Variants in NHS observed in about 807,000 individuals in gnomAD.
The protein encoded by NHS is actin remodeling regulator NHS.
A neutral mutation model predicts 72.5 loss-of-function variants in NHS; 5 were observed. The observed-to-expected ratio is 0.07, with a 90% CI of 0.04 to 0.14. The LOEUF is 0.14. NHS is among the 10% of genes least tolerant of loss of function. NHS has a pLI of 1.00. For missense variants in NHS, 1,072 were observed against 1,355.7 expected (o/e 0.79, Z 3.29); for synonymous variants, 464 against 547.7 (o/e 0.85, Z 2.13).
At chrX:17,692,549 C>A in intron 3 of NHS, 81 bp downstream of exon 3, 1 of 1,145,622 alleles carries the variant, frequency 8.7e-7, no homozygotes. Flanking sequence ...TCCTGCCTCC[C>A]AGTGAGAGAG....
intron 1 of NHS, among the ~76,000 whole-genome samples, chrX:17,506,792 G>C (rs978655636): frequency 9.0e-6 from 1 of 111,217 alleles, no homozygotes; most frequent in African/African-American, 3.3e-5. Context: ...AGGCTGGAAA[G>C]CTAGAAATGA....
intron 1 of NHS, among the ~76,000 whole-genome samples, chrX:17,413,183 A>C (rs764893084): frequency 5.3e-5 from 6 of 112,447 alleles, no homozygotes; most frequent in Non-Finnish European, 1.1e-4. Flanking sequence ...TTTTGAGATC[A>C]GTCTGGAAAA....
intron 1 of NHS, among the ~76,000 whole-genome samples, chrX:17,558,628 A>G (rs939383962): frequency 8.9e-6 from 1 of 112,258 alleles, no homozygotes; most frequent in Admixed American, 9.4e-5. Flanking sequence ...TGATCTGTCA[A>G]ATGAGAGGAA....
chrX:17,448,282 G>C (rs935435011), intron 1 of NHS, among the ~76,000 whole-genome samples: 1 of 112,130 alleles, frequency 8.9e-6, no homozygotes, highest in African/African-American at 3.2e-5. Flanking sequence ...AGGACATCTT[G>C]ATACTACCTA....
intron 1 of NHS, among the ~76,000 whole-genome samples, chrX:17,572,491 C>CTTTTTTTTTTTTTTTTTTTTTTTTTT (rs760577193): frequency 2.1e-5 from 1 of 46,774 alleles, no homozygotes; most frequent in African/African-American, 1.3e-4. Context: ...GCAACCCCTG[C>CTTTTTTTTTTTTTTTTTTTTTTTTTT]TTTTTTTTTT....
chrX:17,468,041 T>C (rs2064877258), intron 1 of NHS, among the ~76,000 whole-genome samples: 2 of 111,265 alleles, frequency 1.8e-5, no homozygotes, highest in African/African-American at 6.6e-5. Flanking sequence ...GAATGGGCTG[T>C]CTCTGCTTAT....
chrX:17,378,698 C>T (rs765290847), intron 1 of NHS, among the ~76,000 whole-genome samples: 19 of 112,204 alleles, frequency 1.7e-4, no homozygotes, highest in Non-Finnish European at 3.4e-4. Context: ...CTGTGGGCAA[C>T]TGGGGTTCAA....
intron 5 of NHS, among the ~76,000 whole-genome samples, chrX:17,723,775 G>GCA (rs1412050028): frequency 4.7e-5 from 5 of 106,291 alleles, no homozygotes; most frequent in Non-Finnish European, 9.6e-5. Context: ...GTGTGTGCGC[G>GCA]CGCGTGCGCG....
intron 1 of NHS, among the ~76,000 whole-genome samples, chrX:17,435,003 C>T (rs2064714854): frequency 8.9e-6 from 1 of 112,208 alleles, no homozygotes; most frequent in African/African-American, 3.2e-5. Flanking sequence ...GACATTTCCA[C>T]TGACACCCAA....
chrX:17,398,284 A>G (rs1407831209), intron 1 of NHS, among the ~76,000 whole-genome samples: 1 of 111,783 alleles, frequency 8.9e-6, no homozygotes, highest in East Asian at 2.8e-4. Context: ...CTATCATTTG[A>G]GGAAAAGGGT....
chrX:17,413,994 C>T (rs2064577530), intron 1 of NHS, among the ~76,000 whole-genome samples: 1 of 111,824 alleles, frequency 8.9e-6, no homozygotes, highest in South Asian at 3.8e-4. Flanking sequence ...ACTTTTCTTT[C>T]CTGTTTTTTA....
intron 1 of NHS, among the ~76,000 whole-genome samples, chrX:17,431,283 C>T (rs1423264418): frequency 6.3e-5 from 7 of 111,541 alleles, no homozygotes; most frequent in Non-Finnish European, 1.9e-5. Flanking sequence ...TTATTTTTAA[C>T]CTCTCATAAG....
chrX:17,536,008 C>T (rs1448389070), intron 1 of NHS, among the ~76,000 whole-genome samples: 4 of 112,327 alleles, frequency 3.6e-5, no homozygotes, highest in African/African-American at 9.7e-5. Context: ...CAAGTTCCCC[C>T]TTCATTCATT....
At chrX:17,468,406 G>A (rs1044732701) in intron 1 of NHS, among the ~76,000 whole-genome samples, 1 of 109,510 alleles carries the variant, frequency 9.1e-6, no homozygotes, top group Non-Finnish European at 1.9e-5. Context: ...TTCACTCTCA[G>A]CTCATCATTT....
At chrX:17,580,590 G>A (rs184702205) in intron 1 of NHS, among the ~76,000 whole-genome samples, 22 of 112,509 alleles carry the variant, frequency 2.0e-4, no homozygotes, top group Admixed American at 2.8e-4. Flanking sequence ...TGGTTGCAGT[G>A]TTAACTAGGG....
intron 1 of NHS, among the ~76,000 whole-genome samples, chrX:17,487,832 A>G (rs1311730450): frequency 9.0e-6 from 1 of 111,595 alleles, no homozygotes; most frequent in Non-Finnish European, 1.9e-5. Flanking sequence ...CAGTGTGGGG[A>G]GTGCCAGGGA....
chrX:17,544,286 C>T (rs1030148974), intron 1 of NHS, among the ~76,000 whole-genome samples: 7 of 111,619 alleles, frequency 6.3e-5, no homozygotes, highest in African/African-American at 2.0e-4. Context: ...GATTTGAATC[C>T]GACAATTTGG....
chrX:17,632,385 T>G lies in NHS; in HGVS notation c.566-55357T>G, dbSNP rs996894840. 5.4e-5 allele frequency among the ~76,000 whole-genome samples: 6 copies of G among 110,647 alleles called. No homozygotes were observed. The Admixed American group carries it at 5.8e-4, about 11-fold the overall frequency. ...TTTTCCGATTTTGTAAAACAGTTTT[T>G]TTTTTTTAGAAAAACATTTGTTCAT... is the stretch of plus-strand genomic sequence containing the variant. On this transcript the variant is annotated intron_variant, in intron 1 of 8. Transcript: ENST00000676302.
intron 1 of NHS, among the ~76,000 whole-genome samples, chrX:17,482,971 G>A (rs759294196): frequency 1.8e-5 from 2 of 111,763 alleles, no homozygotes; most frequent in South Asian, 7.5e-4. Flanking sequence ...GACACCTCGT[G>A]GGGACACGGA....
Sources: gnomAD v4.1 joint callset for allele counts (sites outside exome capture counted in the v4.1 genomes callset) on GRCh38, gnomAD v4.1.1 for gene constraint, MANE v1.5 for transcripts, NCBI Gene and HGNC (gene_info 2026-07-23, HGNC 2026-07-21) for gene names.